LRGUK: variants seen among roughly 807,000 people sequenced by gnomAD.
LRGUK encodes the protein leucine-rich repeat and guanylate kinase domain-containing protein.
LRGUK carries 65 observed loss-of-function variants against 76.0 expected under a neutral mutation model. The observed-to-expected ratio is 0.85, with a 90% confidence interval of 0.70 to 1.05. The LOEUF (loss-of-function observed/expected upper bound fraction) is 1.05. Among genes scored for constraint, LRGUK ranks in the 50% least tolerant of loss-of-function variants. The pLI is 0.00. For missense variants in LRGUK, 758 were observed against 732.8 expected, an observed-to-expected ratio of 1.03 and a Z score of -0.40; for synonymous variants, 268 against 265.6, an observed-to-expected ratio of 1.01 and a Z score of -0.09.
intron 18 of LRGUK, among the ~76,000 whole-genome samples, chr7:134,252,285 C>T (rs1396785055): frequency 6.6e-6 from 1 of 151,906 alleles, no homozygotes; most frequent in Non-Finnish European, 1.5e-5. Context: ...CTGCAGTGAG[C>T]CATGATTGCA....
At chr7:134,132,958 T>C (rs533825326) in intron 1 of LRGUK, among the ~76,000 whole-genome samples, 1 of 152,216 alleles carries the variant, frequency 6.6e-6, no homozygotes, top group South Asian at 2.1e-4. Context: ...TATGGAGAGA[T>C]GGGCTAGTCA....
At position 134,157,940 on chromosome 7, in the gene LRGUK, T is replaced by C. The variant is rs562624720; in HGVS notation, c.671-95T>C. 3.0e-6 allele frequency: 3 copies of C among 1,006,248 alleles called. No individual in the cohort carries two copies. The South Asian group carries it at 5.2e-5, about 17-fold the overall frequency. 62.3% of individuals were successfully genotyped at this position (1,006,248 alleles called of 1,614,324 possible). A position where few individuals can be genotyped will look rare whatever the true frequency, so the allele number is the denominator to read the frequency against. On this transcript the variant is annotated intron_variant, in intron 5 of 15. Coordinates refer to ENST00000645682, the Ensembl canonical transcript of LRGUK. ...ATATAATCGTTCTTTATTTAAGCTG[T>C]GGTCTGCTTTGTCTAGTGATGATTT...
At chr7:134,268,746 T>TTC (rs1563205944), downstream of LRGUK, among the ~76,000 whole-genome samples, 1 of 120,382 alleles carries the variant, frequency 8.3e-6, no homozygotes, top group Non-Finnish European at 1.6e-5. Context: ...TTTTTTTTTT[T>TTC]TGAGACAGAG....
chr7:134,213,574 C>T (rs538701779), downstream of LRGUK, among the ~76,000 whole-genome samples: 25 of 152,220 alleles, frequency 1.6e-4, no homozygotes, highest in African/African-American at 2.9e-4. Context: ...CCTCTTCGGG[C>T]GCCTGTTTCT....
intron 4 of LRGUK, among the ~76,000 whole-genome samples, chr7:134,147,754 G>A (rs1309214831): frequency 6.6e-6 from 1 of 152,174 alleles, no homozygotes; most frequent in Admixed American, 6.5e-5. Flanking sequence ...GGACAGAAAA[G>A]GATCCCAGTT....
chr7:134,202,754 G>A (rs747575025), intron 15 of LRGUK, among the ~76,000 whole-genome samples: 1 of 152,196 alleles, frequency 6.6e-6, no homozygotes, highest in Admixed American at 6.5e-5. Context: ...AATTCATAGA[G>A]CCAGAAAGTA....
chr7:134,220,259 C>A (rs566119210), intron 15 of LRGUK, among the ~76,000 whole-genome samples: 2 of 152,260 alleles, frequency 1.3e-5, no homozygotes, highest in South Asian at 4.1e-4. Context: ...TAGTCCTCGC[C>A]CATTTGTTGC....
chr7:134,227,773 C>G (rs1801799384), intron 16 of LRGUK, among the ~76,000 whole-genome samples: 1 of 151,868 alleles, frequency 6.6e-6, no homozygotes, highest in Non-Finnish European at 1.5e-5. Flanking sequence ...AATTGATACC[C>G]AATTAGACAC....
At chr7:134,218,371 T>C (rs1801491520) in intron 15 of LRGUK, among the ~76,000 whole-genome samples, 1 of 152,226 alleles carries the variant, frequency 6.6e-6, no homozygotes, top group Non-Finnish European at 1.5e-5. Context: ...TCAACTCTAG[T>C]GTTGATACAT....
intron 1 of LRGUK, among the ~76,000 whole-genome samples, chr7:134,128,029 C>T (rs887424917): frequency 2.0e-5 from 3 of 150,994 alleles, no homozygotes; most frequent in African/African-American, 7.3e-5. Flanking sequence ...TCATCTCTGA[C>T]ATTGCCAGCA....
chr7:134,146,743 A>G (rs1288480404), intron 4 of LRGUK, among the ~76,000 whole-genome samples: 1 of 152,168 alleles, frequency 6.6e-6, no homozygotes, highest in African/African-American at 2.4e-5. Context: ...TAAAGTTTTT[A>G]GTACTTAAAG....
At chr7:134,164,699 G>A (rs1456381092) in intron 7 of LRGUK, among the ~76,000 whole-genome samples, 1 of 152,116 alleles carries the variant, frequency 6.6e-6, no homozygotes, top group Non-Finnish European at 1.5e-5. Flanking sequence ...GGTGTTGTGG[G>A]GATCTTGCTG....
chr7:134,142,368 G>A (rs1225477394), intron 3 of LRGUK, among the ~76,000 whole-genome samples: 1 of 152,142 alleles, frequency 6.6e-6, no homozygotes, highest in Non-Finnish European at 1.5e-5. Context: ...TAAAACAATA[G>A]TTCATATCTT....
exon 16 of LRGUK, chr7:134,209,409 C>T (rs1801148968): frequency 2.5e-6 from 1 of 399,200 alleles, no homozygotes; most frequent in Non-Finnish European, 4.4e-6. Flanking sequence ...AAGGAGGAAA[C>T]CTCCAAACCG....
chr7:134,208,897 A>G (rs779415144), exon 16 of LRGUK: 2 of 398,928 alleles, frequency 5.0e-6, no homozygotes, highest in Non-Finnish European at 4.4e-6. Flanking sequence ...AGGATGGAGA[A>G]ACCCATCAAA....
At chr7:134,268,746 T>C (rs866111184), downstream of LRGUK, among the ~76,000 whole-genome samples, 3,338 of 120,092 alleles carry the variant, frequency 0.028, 16 homozygotes, top group Non-Finnish European at 0.042. Context: ...TTTTTTTTTT[T>C]TGAGACAGAG....
At chr7:134,184,356 A>G (rs1441841371) in intron 11 of LRGUK, among the ~76,000 whole-genome samples, 1 of 148,648 alleles carries the variant, frequency 6.7e-6, no homozygotes, top group Non-Finnish European at 1.5e-5. Context: ...TGCAAGCTCC[A>G]CCTCTCGGGT....
In LRGUK at chr7:134,209,191, AG is replaced by A; in HGVS notation, c.2332del (p.Glu778ArgfsTer4). 1 of 399,220 alleles carries A rather than the reference AG, an allele frequency of 2.5e-6. No homozygotes were observed. Among genetic ancestry groups the A allele is most frequent in the Non-Finnish European group, 4.4e-6 (1 of 226,316 alleles). The allele number at this position is 399,220 out of a possible 1,614,324, so 24.7% of individuals were successfully genotyped here. On this transcript the variant is annotated frameshift_variant, in exon 16 of 16. Coordinates refer to ENST00000645682, the Ensembl canonical transcript of LRGUK. LOFTEE classifies it low-confidence loss of function (END_TRUNC). The stretch of plus-strand genomic sequence containing the variant: ...CTCAGCCAGGCCAGGACAAGGAGTC[AG>A]GGGAGGCCCAGGTAACCCCTACTGG...
chr7:134,226,037 A>G (rs549152017), intron 16 of LRGUK, among the ~76,000 whole-genome samples: 2 of 152,258 alleles, frequency 1.3e-5, no homozygotes, highest in South Asian at 4.2e-4. Flanking sequence ...TTTTTAGTGG[A>G]TGGAAGAAAG....
Sources: allele counts gnomAD v4.1 joint callset (sites outside exome capture counted in the v4.1 genomes callset), GRCh38; gene constraint gnomAD v4.1.1; transcripts MANE v1.5; gene names NCBI Gene and HGNC (gene_info 2026-07-23, HGNC 2026-07-21).